Variants in PREX1 observed in about 807,000 individuals in gnomAD.
PREX1 encodes phosphatidylinositol 3,4,5-trisphosphate-dependent Rac exchanger 1 protein.
PREX1 carries 41 observed loss-of-function variants against 198.3 expected under a neutral mutation model. The ratio of observed to expected loss-of-function variants is 0.21; its 90% CI spans 0.16 to 0.27. The LOEUF (loss-of-function observed/expected upper bound fraction) is 0.27. Ranked by LOEUF, PREX1 falls within the 10% of genes least tolerant of loss-of-function variation. The pLI is 1.00. For missense variants in PREX1, 1,620 were observed against 2,200.7 expected (o/e 0.74, Z 5.28); for synonymous variants, 843 against 887.2 (o/e 0.95, Z 0.89).
At chr20:48,694,276 AAC>A (rs2089834446) in intron 7 of PREX1, among the ~76,000 whole-genome samples, 1 of 152,172 alleles carries the variant, frequency 6.6e-6, no homozygotes, top group Non-Finnish European at 1.5e-5. Context: ...AAGGGACTAA[AAC>A]AGTCACTCAA....
At chr20:48,772,054 C>T (rs1423128470) in intron 1 of PREX1, among the ~76,000 whole-genome samples, 3 of 152,000 alleles carry the variant, frequency 2.0e-5, no homozygotes, top group Non-Finnish European at 1.5e-5. Flanking sequence ...ATTAGCTAGG[C>T]GTGGTGGCGG....
chr20:48,628,684 A>G (rs1018827588), intron 37 of PREX1, among the ~76,000 whole-genome samples: 49 of 152,224 alleles, frequency 3.2e-4, no homozygotes, highest in Non-Finnish European at 1.2e-4. Context: ...CCTAGGTGAG[A>G]TCCCCTAAAA....
chr20:48,785,982 G>A (rs1181194127), intron 1 of PREX1, among the ~76,000 whole-genome samples: 1 of 152,194 alleles, frequency 6.6e-6, no homozygotes, highest in African/African-American at 2.4e-5. Context: ...TTCCAGCAGG[G>A]GGTTCAGAAA....
At chr20:48,701,609 C>A (rs934982159) in intron 6 of PREX1, among the ~76,000 whole-genome samples, 2 of 152,110 alleles carry the variant, frequency 1.3e-5, no homozygotes, top group African/African-American at 4.8e-5. Flanking sequence ...CACCTAAATG[C>A]CCCTTTGGTA....
At chr20:48,705,543 A>G (rs950927693) in intron 6 of PREX1, among the ~76,000 whole-genome samples, 2 of 152,208 alleles carry the variant, frequency 1.3e-5, no homozygotes, top group Non-Finnish European at 2.9e-5. Flanking sequence ...GGAAAGGATC[A>G]AAAGAATATG....
At chr20:48,696,301 A>C (rs2089845332) in intron 7 of PREX1, among the ~76,000 whole-genome samples, 1 of 152,246 alleles carries the variant, frequency 6.6e-6, no homozygotes, top group Non-Finnish European at 1.5e-5. Flanking sequence ...GTCAAGAATC[A>C]CTTTTTCCCC....
At chr20:48,681,994 A>G (rs939113502) in intron 10 of PREX1, among the ~76,000 whole-genome samples, 1 of 152,038 alleles carries the variant, frequency 6.6e-6, no homozygotes, top group Non-Finnish European at 1.5e-5. Context: ...TCATTTCCAT[A>G]TTCAAAACCC....
intron 1 of PREX1, among the ~76,000 whole-genome samples, chr20:48,796,722 T>C (rs2090364276): frequency 6.6e-6 from 1 of 150,564 alleles, no homozygotes; most frequent in African/African-American, 2.4e-5. Context: ...AAAATGTATA[T>C]AAAATAGTTT....
rs1312016509 is a variant in PREX1 at position 48,689,495 on chromosome 20, G to A, written c.1187-691C>T. ...GACCCAGGAAGTTGGTTCCATATTC[G>A]TGCTCGTGACCACCCCAGCCCTGAG... On this transcript the variant is annotated intron_variant, in intron 9 of 39. Transcript: ENST00000371941. Among the ~76,000 whole-genome samples, 7 of 152,122 alleles carry A rather than the reference G, an allele frequency of 4.6e-5. No individual in the cohort carries two copies. In the South Asian group the frequency reaches 6.2e-4, roughly 13 times the overall value.
chr20:48,858,585 T>C, the PREX1 span, among the ~76,000 whole-genome samples: 1 of 152,236 alleles, frequency 6.6e-6, no homozygotes, highest in African/African-American at 2.4e-5. Flanking sequence ...ATCAGCTCTG[T>C]CCTGGGGTGT....
intron 12 of PREX1, 82 bp from the exon 13 acceptor site, chr20:48,679,491 C>G: frequency 6.7e-7 from 1 of 1,488,290 alleles, no homozygotes; most frequent in Admixed American, 1.7e-5. Flanking sequence ...GGAGAGATGG[C>G]TTCCAGGACG....
chr20:48,656,688 G>C (rs369949221), intron 18 of PREX1, among the ~76,000 whole-genome samples: 1 of 152,068 alleles, frequency 6.6e-6, no homozygotes, highest in African/African-American at 2.4e-5. Flanking sequence ...CCCTTTCCCG[G>C]GTTTATAGAA....
chr20:48,628,102 A>G, intron 37 of PREX1, 139 bp from the exon 38 acceptor site: 1 of 642,244 alleles, frequency 1.6e-6, no homozygotes. Flanking sequence ...AATCCTGACC[A>G]TCACGGCAAC....
chr20:48,669,658 C>A (rs1285067294), intron 14 of PREX1, among the ~76,000 whole-genome samples: 1 of 152,080 alleles, frequency 6.6e-6, no homozygotes, highest in African/African-American at 2.4e-5. Flanking sequence ...CTCCCTGTCT[C>A]GGTCTCTGTC....
the PREX1 span, among the ~76,000 whole-genome samples, chr20:48,880,426 G>T: frequency 6.6e-6 from 1 of 152,174 alleles, no homozygotes; most frequent in African/African-American, 2.4e-5. Context: ...TGATGTGGTA[G>T]CTCCACAAAA....
At chr20:48,792,815 A>ATACACAC (rs758333598) in intron 1 of PREX1, among the ~76,000 whole-genome samples, 14,697 of 74,754 alleles carry the variant, frequency 0.2, 1,044 homozygotes, top group Non-Finnish European at 0.25. Context: ...AAAAAAAAAA[A>ATACACAC]ATACACACAC....
At position 48,700,763 on chromosome 20, in the gene PREX1, G is replaced by T; in HGVS notation, c.907C>A (p.Arg303=). Residue 303 remains arginine (R), a synonymous_variant, in exon 7 of 40, where the codon CGG becomes AGG. Coordinates refer to ENST00000371941, the MANE Select transcript of PREX1 (RefSeq NM_020820.4). The part of the protein sequence containing the change: ...LFDNLLVYCK[R]KSRVTGSKKS... ...CTCCTGGCCACTCACCTGGATTTCC[G>T]CTTGCAGTAGACGAGAAGGTTGTCG... 6.2e-7 allele frequency: 1 copy of T among 1,613,128 alleles called. No homozygotes were observed. Among genetic ancestry groups the T allele is most frequent in the Non-Finnish European group, 8.5e-7 (1 of 1,179,990 alleles).
chr20:48,754,897 C>T (rs61398048), intron 1 of PREX1, among the ~76,000 whole-genome samples: 153 of 152,194 alleles, frequency 1.0e-3, no homozygotes, highest in African/African-American at 3.1e-3. Context: ...TGCTGCAAGC[C>T]GCCCCACACA....
intron 5 of PREX1, among the ~76,000 whole-genome samples, chr20:48,719,925 A>G (rs1245071016): frequency 6.6e-6 from 1 of 152,082 alleles, no homozygotes; most frequent in Non-Finnish European, 1.5e-5. Flanking sequence ...GATGGAAAAT[A>G]AAGACCCCAC....
Sources: allele counts gnomAD v4.1 joint callset (sites outside exome capture counted in the v4.1 genomes callset), GRCh38; gene constraint gnomAD v4.1.1; transcripts MANE v1.5; gene names NCBI Gene and HGNC (gene_info 2026-07-23, HGNC 2026-07-21).